IFITM5: variants seen among roughly 807,000 people sequenced by gnomAD.
IFITM5 encodes the protein interferon-induced transmembrane protein 5.
A neutral mutation model predicts 9.2 loss-of-function variants in IFITM5; 10 were observed. The ratio of observed to expected loss-of-function variants is 1.09; its 90% confidence interval spans 0.67 to 1.85. The LOEUF is 1.85. Among genes scored for constraint, IFITM5 ranks in the 40% most tolerant of loss-of-function variants. The pLI is 0.00. For synonymous variants in IFITM5, 93 were observed against 86.6 expected (o/e 1.07, Z -0.41); for missense variants, 225 against 182.6 (o/e 1.23, Z -1.34).
chr11:298,642 G>A lies in IFITM5; in HGVS notation c.258C>T (p.Asn86=), dbSNP rs377467486. 17 of 1,613,676 alleles carry A rather than the reference G, an allele frequency of 1.1e-5. No homozygotes were observed. Among genetic ancestry groups the A allele is most frequent in the Admixed American group, 3.3e-5 (2 of 60,022 alleles). Residue 86 remains asparagine, a synonymous_variant, in exon 2 of 2, where the codon AAC becomes AAT. Transcript: ENST00000382614. ...CCAGCGTCCACATCGCGGCCAGGAT[G>A]TTGTAGCACTTGGCTTTGGAGCCAA... The part of the protein sequence containing the change: ...RRFGSKAKCY[N]ILAAMWTLVP...
chr11:299,227 TCCCCATCCCTC>T, intron 1 of IFITM5, 67 bp downstream of exon 1: 1 of 868,640 alleles, frequency 1.2e-6, no homozygotes, highest in Non-Finnish European at 1.6e-6. Context: ...CCCACGGAGC[TCCCCATCCCTC>T]CCCCTTCCCC....
In IFITM5 at chr11:298,702, C is replaced by A. The variant is rs1004936171; in HGVS notation, c.198G>T (p.Gln66His). 2 of 1,613,466 alleles carry A rather than the reference C, an allele frequency of 1.2e-6. No homozygotes were observed. The highest frequency in any genetic ancestry group is 1.7e-6 in the Non-Finnish European group (2 of 1,179,918). ...ALAYSIKARD[Q>H]KVVGDLEAAR... ...CCGCTTCCAGGTCACCAACCACCTT[C>A]TGATCTCGGGCCTGCAGAGAGACCA... The change falls in exon 2 of 2, where the codon CAG becomes CAT. Residue 66 changes from glutamine to histidine, a missense_variant. Physicochemically the swap from Gln to His is conservative, Grantham distance 24. Coordinates refer to ENST00000382614, the MANE Select transcript of IFITM5 (RefSeq NM_001025295.3).
Position 298,476 on chromosome 11 carries a change from G to T in IFITM5, c.*25C>A, listed in dbSNP as rs377123556. The T allele has an allele frequency of 1.3e-6, 2 of 1,599,962 alleles. No homozygotes were observed. The highest frequency in any genetic ancestry group is 1.7e-6 in the Non-Finnish European group (2 of 1,173,916). ...GCCTGGGGTCAGTGTCCTGGGGCTA[G>T]TGCCCCAGATCAGGACCCAGCCTGT... is the stretch of plus-strand genomic sequence containing the variant. On this transcript the variant is annotated 3_prime_UTR_variant, in exon 2 of 2. Transcript: ENST00000382614.
In IFITM5 at chr11:298,317, G is replaced by A. The variant is rs1023068423; in HGVS notation, c.*184C>T. The stretch of plus-strand genomic sequence containing the variant: ...ACTCTCGGGTTAGGGTGAAGACCCC[G>A]GGGTCTGACTGGTTCAGCCTTAGGT... On this transcript the variant is annotated 3_prime_UTR_variant, in exon 2 of 2. Coordinates refer to ENST00000382614, the MANE Select transcript of IFITM5 (RefSeq NM_001025295.3). 20 of 637,934 alleles carry A rather than the reference G, an allele frequency of 3.1e-5. No individual in the cohort carries two copies. Among genetic ancestry groups the A allele is most frequent in the Admixed American group, 1.5e-4 (5 of 33,924 alleles). The allele number at this position is 637,934 out of a possible 1,614,324, so 39.5% of individuals were successfully genotyped here. A position where few individuals can be genotyped will look rare whatever the true frequency, so the allele number is the denominator to read the frequency against.
rs577445211 is a variant in IFITM5, at chr11:298,630, C to T, written c.270G>A (p.Ala90=). 1.9e-4 allele frequency: 310 copies of T among 1,613,564 alleles called. 1 individual carries two copies. Among genetic ancestry groups the T allele is most frequent in the South Asian group, 1.1e-3 (99 of 91,078 alleles). Reference sequence around the variant, plus strand: ...GCAGTGGCGGCACCAGCGTCCACATCGCGGCCAGGATGTTGTAGCACTTGG... The same window carrying T: ...GCAGTGGCGGCACCAGCGTCCACATTGCGGCCAGGATGTTGTAGCACTTGG... ...SKAKCYNILA[A]MWTLVPPLLL... The change falls in exon 2 of 2, where the codon GCG becomes GCA. Residue 90 remains alanine, a synonymous_variant. Transcript: ENST00000382614.
chr11:298,932 C>A (rs1006363950), intron 1 of IFITM5, among the ~76,000 whole-genome samples: 1 of 152,128 alleles, frequency 6.6e-6, no homozygotes, highest in Admixed American at 6.5e-5. Context: ...GGGTGAGGGT[C>A]CCCCAGGGTG....
Position 298,344 on chromosome 11 carries a change from C to A in IFITM5, c.*157G>T. On this transcript the variant is annotated 3_prime_UTR_variant, in exon 2 of 2. Transcript: ENST00000382614. ...GGTCTGACTGGTTCAGCCTTAGGTG[C>A]CCATGTTGGGGCTGGAGGGCCCCAG... 1.3e-6 allele frequency: 1 copy of A among 767,374 alleles called. No individual in the cohort carries two copies. Among genetic ancestry groups the A allele is most frequent in the Non-Finnish European group, 2.1e-6 (1 of 485,362 alleles). 47.5% of individuals were successfully genotyped at this position (767,374 alleles called of 1,614,324 possible). A position where few individuals can be genotyped will look rare whatever the true frequency, so the allele number is the denominator to read the frequency against.
chr11:299,077 A>G (rs968843205), intron 1 of IFITM5, among the ~76,000 whole-genome samples: 2 of 151,952 alleles, frequency 1.3e-5, no homozygotes, highest in African/African-American at 4.8e-5. Context: ...GTGCTCTTGG[A>G]TGGGCCAGAC....
chr11:298,540 G>C lies in IFITM5; in HGVS notation c.360C>G (p.Ala120=). The C allele has an allele frequency of 6.2e-7, 1 of 1,612,716 alleles. No individual in the cohort carries two copies. The highest frequency in any genetic ancestry group is 1.1e-5 in the South Asian group (1 of 91,050). The change falls in exon 2 of 2, where the codon GCC becomes GCG. Residue 120 remains alanine (A), a synonymous_variant. Coordinates refer to ENST00000382614, the MANE Select transcript of IFITM5 (RefSeq NM_001025295.3). ...CGTCATCAAACTTGGTGCTGAAGAA[G>C]GCGGCAGAGTCCTTGGCCAGCCGGG... ...HLARLAKDSA[A]FFSTKFDDAD...
Position 298,558 on chromosome 11 carries a change from CA to C in IFITM5, c.341del (p.Leu114ArgfsTer29). ...VVTGALHLAR[L>X]AKDSAAFFST... is the part of the protein sequence containing the mutation. ...TGAAGAAGGCGGCAGAGTCCTTGGC[CA>C]GCCGGGCCAGGTGCAGGGCACCAGT... On this transcript the variant is annotated frameshift_variant, in exon 2 of 2. Coordinates refer to ENST00000382614, the MANE Select transcript of IFITM5 (RefSeq NM_001025295.3). LOFTEE classifies it high-confidence loss of function. 6.2e-7 allele frequency: 1 copy of C among 1,613,214 alleles called. No individual in the cohort carries two copies. Among genetic ancestry groups the C allele is most frequent in the Middle Eastern group, 1.7e-4 (1 of 5,838 alleles).
In IFITM5 at chr11:299,191, C is replaced by T. The variant is rs964499616; in HGVS notation, c.186+114G>A. 2.6e-4 allele frequency: 225 copies of T among 857,214 alleles called. No homozygotes were observed. In the East Asian group the frequency reaches 5.1e-3, roughly 20 times the overall value. The allele number at this position is 857,214 out of a possible 1,614,324, so 53.1% of individuals were successfully genotyped here. Reference sequence around the variant, plus strand: ...CCCCTCACGGACAAGCAGAGCCCCCCGCGGCCCCCAGCACGGCAAGGACCC... The same window carrying T: ...CCCCTCACGGACAAGCAGAGCCCCCTGCGGCCCCCAGCACGGCAAGGACCC... On this transcript the variant is annotated intron_variant, in intron 1 of 1. Transcript: ENST00000382614.
intron 1 of IFITM5, 64 bp downstream of exon 1, chr11:299,241 C>G (rs1845900885): frequency 7.3e-7 from 1 of 1,364,764 alleles, no homozygotes. Flanking sequence ...CATCCCTCCC[C>G]CTTCCCCCCA....
In IFITM5 at chr11:298,542, C is replaced by T. The variant is rs150598773; in HGVS notation, c.358G>A (p.Ala120Thr). ...TCATCAAACTTGGTGCTGAAGAAGGCGGCAGAGTCCTTGGCCAGCCGGGCC... is the reference window on the plus strand; with the variant it reads ...TCATCAAACTTGGTGCTGAAGAAGGTGGCAGAGTCCTTGGCCAGCCGGGCC... ...HLARLAKDSA[A>T]FFSTKFDDAD... The change falls in exon 2 of 2, where the codon GCC becomes ACC. Residue 120 changes from alanine to threonine, a missense_variant. Transcript: ENST00000382614. 8.4e-5 allele frequency: 136 copies of T among 1,612,558 alleles called. No homozygotes were observed. The highest frequency in any genetic ancestry group is 1.8e-4 in the Middle Eastern group (1 of 5,538).
At position 298,635 on chromosome 11, in the gene IFITM5, C is replaced by A. The variant is rs770298398; in HGVS notation, c.265G>T (p.Ala89Ser). The change falls in exon 2 of 2, where the codon GCC (alanine) becomes TCC (serine). Residue 89 changes from alanine (A) to serine (S), a missense_variant. Physicochemically the swap from Ala to Ser is moderately conservative, Grantham distance 99 (BLOSUM62 1). Transcript: ENST00000382614. ...GSKAKCYNILAAMWTLVPPLL... is the reference protein window; with the variant it reads ...GSKAKCYNILSAMWTLVPPLL... ...GGCGGCACCAGCGTCCACATCGCGG[C>A]CAGGATGTTGTAGCACTTGGCTTTG... 1 of 1,613,614 alleles carries A rather than the reference C, an allele frequency of 6.2e-7. No individual in the cohort carries two copies. The highest frequency in any genetic ancestry group is 8.5e-7 in the Non-Finnish European group (1 of 1,180,008).
chr11:299,418 T>C lies in IFITM5; in HGVS notation c.73A>G (p.Thr25Ala), dbSNP rs755605446. Residue 25 changes from threonine (T) to alanine (A), a missense_variant, in exon 1 of 2, where the codon ACA becomes GCA. Physicochemically the swap from Thr to Ala is moderately conservative, Grantham distance 58 (BLOSUM62 0). Coordinates refer to ENST00000382614, the MANE Select transcript of IFITM5 (RefSeq NM_001025295.3). ...GGCGGGGGGTGCGGGGCCCCCAGTG[T>C]GAGGGCTGTGTGGGCACCGGCCTTG... ...PSKAGAHTAL[T>A]LGAPHPPPRD... 1 of 1,554,192 alleles carries C rather than the reference T, an allele frequency of 6.4e-7. No homozygotes were observed. The highest frequency in any genetic ancestry group is 8.7e-7 in the Non-Finnish European group (1 of 1,150,952).
Position 298,336 on chromosome 11 carries a change from C to T in IFITM5, c.*165G>A. On this transcript the variant is annotated 3_prime_UTR_variant, in exon 2 of 2. Transcript: ENST00000382614. ...GACCCCGGGGTCTGACTGGTTCAGC[C>T]TTAGGTGCCCATGTTGGGGCTGGAG... is the stretch of plus-strand genomic sequence containing the variant. 1 of 728,712 alleles carries T rather than the reference C, an allele frequency of 1.4e-6. No individual in the cohort carries two copies. The highest frequency in any genetic ancestry group is 2.2e-6 in the Non-Finnish European group (1 of 451,002). The allele number at this position is 728,712 out of a possible 1,614,324, so 45.1% of individuals were successfully genotyped here.
At chr11:299,080 G>A (rs1845898271) in intron 1 of IFITM5, among the ~76,000 whole-genome samples, 1 of 152,120 alleles carries the variant, frequency 6.6e-6, no homozygotes, top group African/African-American at 2.4e-5. Flanking sequence ...CTCTTGGATG[G>A]GCCAGACCCC....
rs140927327 is a variant in IFITM5 at position 299,335 on chromosome 11, G to A, written c.156C>T (p.Leu52=). The change falls in exon 1 of 2, where the codon CTC becomes CTT. Residue 52 remains leucine, a synonymous_variant. Coordinates refer to ENST00000382614, the MANE Select transcript of IFITM5 (RefSeq NM_001025295.3). ...TGGAGTAGGCCAGCGCCAGGAAGCC[G>A]AGGCAACACAGATTCAGGTAGAGGG... ...FSTLYLNLCC[L]GFLALAYSIK... is the part of the protein sequence containing the mutation. 4.6e-5 allele frequency: 74 copies of A among 1,602,804 alleles called. No homozygotes were observed. The highest frequency in any genetic ancestry group is 5.4e-5 in the Non-Finnish European group (64 of 1,175,016).
chr11:298,702 C>G lies in IFITM5; in HGVS notation c.198G>C (p.Gln66His), dbSNP rs1004936171. The change falls in exon 2 of 2, where the codon CAG becomes CAC. Residue 66 changes from glutamine (Q) to histidine (H), a missense_variant. Coordinates refer to ENST00000382614, the MANE Select transcript of IFITM5 (RefSeq NM_001025295.3). ...ALAYSIKARDQKVVGDLEAAR... is the reference protein window; with the variant it reads ...ALAYSIKARDHKVVGDLEAAR... ...CCGCTTCCAGGTCACCAACCACCTT[C>G]TGATCTCGGGCCTGCAGAGAGACCA... The G allele has an allele frequency of 1.2e-6, 2 of 1,613,348 alleles. No homozygotes were observed. The highest frequency in any genetic ancestry group is 2.7e-5 in the African/African-American group (2 of 74,936).
Sources: allele counts gnomAD v4.1 joint callset (sites outside exome capture counted in the v4.1 genomes callset), GRCh38; gene constraint gnomAD v4.1.1; transcripts MANE v1.5; gene names NCBI Gene and HGNC (gene_info 2026-07-23, HGNC 2026-07-21).